Variants in EIF2AK4 observed in about 807,000 individuals in gnomAD.
EIF2AK4 encodes eukaryotic translation initiation factor 2 alpha kinase 4.
Under a neutral mutation model 211.1 loss-of-function variants are expected in EIF2AK4, and 139 were observed. The ratio of observed to expected loss-of-function variants is 0.66; its 90% CI spans 0.57 to 0.76. The LOEUF (loss-of-function observed/expected upper bound fraction) is 0.76, where lower values mean the gene tolerates loss of function less well. Among genes scored for constraint, EIF2AK4 ranks in the 30% least tolerant of loss-of-function variants. The probability of loss-of-function intolerance (pLI) is 0.00; values close to 1 mark genes in which losing one functional copy is unlikely to be tolerated. For missense variants in EIF2AK4, 1,664 were observed against 2,043.8 expected (o/e 0.81, Z 3.58); for synonymous variants, 710 against 751.3 (o/e 0.94, Z 0.90).
intron 23 of EIF2AK4, among the ~76,000 whole-genome samples, chr15:40,004,887 T>G (rs2035139631): frequency 6.6e-6 from 1 of 152,164 alleles, no homozygotes; most frequent in Non-Finnish European, 1.5e-5. Context: ...CAAATATGTA[T>G]TTTTTATATA....
At chr15:40,030,508 A>C in intron 35 of EIF2AK4, 52 bp downstream of exon 35, 1 of 1,494,112 alleles carries the variant, frequency 6.7e-7, no homozygotes, top group Non-Finnish European at 9.2e-7. Context: ...ACAGAAGAGA[A>C]AAACAACAAC....
At chr15:39,992,288 C>A in intron 17 of EIF2AK4, 59 bp downstream of exon 17, 2 of 1,425,452 alleles carry the variant, frequency 1.4e-6, no homozygotes, top group South Asian at 1.4e-5. Flanking sequence ...ATTTCTTAAC[C>A]TGAAACCTGT....
chr15:39,965,245 C>T (rs1416096620), intron 7 of EIF2AK4, among the ~76,000 whole-genome samples: 1 of 152,158 alleles, frequency 6.6e-6, no homozygotes, highest in Non-Finnish European at 1.5e-5. Flanking sequence ...CCTCAGCCTC[C>T]CAAGTAGCTG....
intron 28 of EIF2AK4, 111 bp from the exon 29 acceptor site, chr15:40,016,997 T>C: frequency 7.2e-7 from 1 of 1,386,854 alleles, no homozygotes; most frequent in South Asian, 1.3e-5. Flanking sequence ...ATTTTGTTTA[T>C]GCTAAATAGA....
chr15:39,943,008 G>A (rs974000845), intron 2 of EIF2AK4, among the ~76,000 whole-genome samples: 2 of 151,978 alleles, frequency 1.3e-5, no homozygotes, highest in African/African-American at 2.4e-5. Context: ...CTGGGCTAGA[G>A]TCAGCTGCAG....
chr15:40,007,007 A>G lies in EIF2AK4; in HGVS notation c.3358-9A>G. ...GACATTGACCTTTCATATTTTGTTT[A>G]TTTTTCAGATCCCTTTTGCAAGATA... On this transcript the variant is annotated splice_polypyrimidine_tract_variant and intron_variant, in intron 23 of 38. Transcript: ENST00000263791. 6.3e-7 allele frequency: 1 copy of G among 1,575,242 alleles called. No homozygotes were observed. The highest frequency in any genetic ancestry group is 1.7e-5 in the Admixed American group (1 of 58,042).
intron 7 of EIF2AK4, among the ~76,000 whole-genome samples, chr15:39,964,419 G>T (rs1050218956): frequency 6.6e-6 from 1 of 152,114 alleles, no homozygotes; most frequent in Admixed American, 6.6e-5. Flanking sequence ...TAGCCTGCAG[G>T]ACATTTGATG....
At chr15:40,022,314 T>C (rs563313033) in intron 31 of EIF2AK4, 39 of 509,074 alleles carry the variant, frequency 7.7e-5, no homozygotes, top group African/African-American at 7.0e-4. Flanking sequence ...TAAACAATCA[T>C]GAAGGGAAGG....
In EIF2AK4 at chr15:39,994,966, C is replaced by T. The variant is rs777097220; in HGVS notation, c.2767-1998C>T. Among the ~76,000 whole-genome samples the T allele has an allele frequency of 2.6e-4, 40 of 152,078 alleles. 1 individual carries two copies. The highest frequency in any genetic ancestry group is 1.9e-4 in the East Asian group (1 of 5,188). ...AAGCAATTCTCCTGCCTCAGACTCC[C>T]GAGTAGCTGGGATTACAGACGCCTG... On this transcript the variant is annotated intron_variant, in intron 18 of 38. Coordinates refer to ENST00000263791, the MANE Select transcript of EIF2AK4 (RefSeq NM_001013703.4).
chr15:40,020,245 G>A (rs2035365302), intron 30 of EIF2AK4, among the ~76,000 whole-genome samples: 1 of 151,040 alleles, frequency 6.6e-6, no homozygotes, highest in South Asian at 2.1e-4. Flanking sequence ...TTTCCCCCTT[G>A]TATTTCAGGC....
At chr15:39,963,347 T>C (rs2034498968) in intron 7 of EIF2AK4, among the ~76,000 whole-genome samples, 1 of 152,224 alleles carries the variant, frequency 6.6e-6, no homozygotes, top group Non-Finnish European at 1.5e-5. Flanking sequence ...CAATTCTTAT[T>C]ACCTTAACTT....
intron 13 of EIF2AK4, among the ~76,000 whole-genome samples, chr15:39,982,244 C>T (rs1175777563): frequency 6.6e-6 from 1 of 152,084 alleles, no homozygotes; most frequent in Non-Finnish European, 1.5e-5. Flanking sequence ...AATTGTTTTA[C>T]CTAAAGGTGG....
At chr15:39,987,140 C>T (rs2034877171) in intron 14 of EIF2AK4, among the ~76,000 whole-genome samples, 1 of 152,148 alleles carries the variant, frequency 6.6e-6, no homozygotes, top group South Asian at 2.1e-4. Flanking sequence ...CATTGGTCCC[C>T]CAAACCACTG....
intron 4 of EIF2AK4, among the ~76,000 whole-genome samples, chr15:39,950,232 C>T (rs1284386862): frequency 3.3e-5 from 5 of 152,064 alleles, no homozygotes; most frequent in East Asian, 1.9e-4. Context: ...TAACAGCAAA[C>T]GTGCAAGAAG....
chr15:40,034,773 A>G (rs565753440), intron 38 of EIF2AK4, among the ~76,000 whole-genome samples: 3 of 152,298 alleles, frequency 2.0e-5, no homozygotes, highest in East Asian at 3.9e-4. Context: ...CAATCAATCA[A>G]TCATTCATGT....
chr15:39,934,769 A>G (rs530952011), intron 1 of EIF2AK4, among the ~76,000 whole-genome samples: 1 of 152,360 alleles, frequency 6.6e-6, no homozygotes, highest in South Asian at 2.1e-4. Context: ...GTCCTCAATC[A>G]GAATTCTCAA....
chr15:39,965,399 C>T (rs1380965647), intron 7 of EIF2AK4, among the ~76,000 whole-genome samples: 1 of 152,210 alleles, frequency 6.6e-6, no homozygotes, highest in East Asian at 1.9e-4. Context: ...GCTGGGATTA[C>T]AGGCGTGAGC....
intron 18 of EIF2AK4, among the ~76,000 whole-genome samples, chr15:39,994,927 C>G (rs561211196): frequency 1.6e-4 from 25 of 152,168 alleles, no homozygotes; most frequent in Admixed American, 5.9e-4. Flanking sequence ...CTGCAACCTC[C>G]GCCTCCCAGG....
chr15:39,978,207 A>G (rs1467139764), intron 13 of EIF2AK4, 60 bp downstream of exon 13: 4 of 1,004,560 alleles, frequency 4.0e-6, no homozygotes, highest in Non-Finnish European at 5.8e-6. Context: ...GTCTGATGTC[A>G]TAAACCTTAG....
Sources: allele counts gnomAD v4.1 joint callset (sites outside exome capture counted in the v4.1 genomes callset), GRCh38; gene constraint gnomAD v4.1.1; transcripts MANE v1.5; gene names NCBI Gene and HGNC (gene_info 2026-07-23, HGNC 2026-07-21).